CSNK1D: variants seen among roughly 807,000 people sequenced by gnomAD.
CSNK1D encodes the protein casein kinase 1 delta.
In CSNK1D, 16 loss-of-function variants were observed where a neutral mutation model predicts 46.6. That is an observed-to-expected ratio of 0.34 (90% CI 0.23 to 0.52). CSNK1D has a LOEUF of 0.52. CSNK1D is among the 20% of genes least tolerant of loss of function. The pLI is 0.95. For missense variants in CSNK1D, 398 were observed against 578.4 expected, an observed-to-expected ratio of 0.69 and a Z score of 3.20; for synonymous variants, 276 against 228.2, an observed-to-expected ratio of 1.21 and a Z score of -1.89.
chr17:82,247,598 G>A lies in CSNK1D; in HGVS notation c.1197+1277C>T, dbSNP rs114193039. ...CAGAGCCAGCCGCACATCAAGACAC[G>A]AGGGCACGGGCAGACCCTCCCGGGA... On this transcript the variant is annotated intron_variant, in intron 8 of 8. Coordinates refer to ENST00000314028, the MANE Select transcript of CSNK1D (RefSeq NM_001893.6). The A allele has an allele frequency of 1.2e-3, 1,169 of 985,434 alleles. 15 individuals are homozygous for A. In the African/African-American group the frequency reaches 0.019, roughly 16 times the overall value. The allele number at this position is 985,434 out of a possible 1,614,324, so 61.0% of individuals were successfully genotyped here. A position where few individuals can be genotyped will look rare whatever the true frequency, so the allele number is the denominator to read the frequency against.
rs764370790 is a variant in CSNK1D at position 82,255,561 on chromosome 17, G to C, written c.204C>G (p.Ile68Met). 3 of 1,614,174 alleles carry C rather than the reference G, an allele frequency of 1.9e-6. No homozygotes were observed. The highest frequency in any genetic ancestry group is 2.2e-5 in the East Asian group (1 of 44,880). The change falls in exon 3 of 9, where the codon ATC becomes ATG. Residue 68 changes from isoleucine (I) to methionine (M), a missense_variant. Transcript: ENST00000314028. This position sits in a 1 kb window ranked among gnomAD's most constrained non-coding sequence, Gnocchi z 5.9. The stretch of plus-strand genomic sequence containing the variant: ...AGTCCCCCTCTGCCCCGCACCATCT[G>C]ATGGTGGGGATGCCCACTAGGCAAG... ...MMQGGVGIPT[I>M]RWCGAEGDYN...
chr17:82,255,401 G>GT lies in CSNK1D; in HGVS notation c.336+27dup. ...GCTGATTCTATCAGACAGCAAGTGT[G>GT]TGCCAACTGTCAGGAAACAGTCCTT... On this transcript the variant is annotated intron_variant, in intron 3 of 8. Coordinates refer to ENST00000314028, the MANE Select transcript of CSNK1D (RefSeq NM_001893.6). The surrounding 1 kb of genome is among the most constrained non-coding windows in gnomAD (Gnocchi z 5.9). 1 of 1,613,680 alleles carries GT rather than the reference G, an allele frequency of 6.2e-7. No individual in the cohort carries two copies. Among genetic ancestry groups the GT allele is most frequent in the African/African-American group, 1.3e-5 (1 of 75,042 alleles).
At position 82,243,859 on chromosome 17, in the gene CSNK1D, C is replaced by T. The variant is rs2050785326; in HGVS notation, c.*922G>A. On this transcript the variant is annotated 3_prime_UTR_variant, in exon 9 of 9. Coordinates refer to ENST00000314028, the MANE Select transcript of CSNK1D (RefSeq NM_001893.6). ...CGGTTCACAGTCCTCTCCCAAGGGA[C>T]CAGAAACGCATCTTCCACCTTGAAT... 4.1e-6 allele frequency: 4 copies of T among 985,632 alleles called. No homozygotes were observed. The highest frequency in any genetic ancestry group is 4.8e-6 in the Non-Finnish European group (4 of 830,058). The allele number at this position is 985,632 out of a possible 1,614,324, so 61.1% of individuals were successfully genotyped here.
intron 8 of CSNK1D, chr17:82,247,011 C>G (rs935251897): frequency 4.1e-6 from 4 of 985,336 alleles, no homozygotes; most frequent in African/African-American, 1.7e-5. Flanking sequence ...GACACACGGC[C>G]AAAGCCTTCC....
Position 82,248,102 on chromosome 17 carries a change from GGA to G in CSNK1D, c.1197+771_1197+772del, listed in dbSNP as rs2050896828. On this transcript the variant is annotated intron_variant, in intron 8 of 8. Transcript: ENST00000314028. The surrounding 1 kb of genome is among the most constrained non-coding windows in gnomAD (Gnocchi z 4.1). ...CCTGCTCATCCGGAAGACCCGTGGG[GGA>G]TCTGGGCACCCCCCAGGATGCCTGC... 8.1e-6 allele frequency: 8 copies of G among 985,364 alleles called. No homozygotes were observed. The highest frequency in any genetic ancestry group is 1.2e-6 in the Non-Finnish European group (1 of 829,976). 61.0% of individuals were successfully genotyped at this position (985,364 alleles called of 1,614,324 possible). A position where few individuals can be genotyped will look rare whatever the true frequency, so the allele number is the denominator to read the frequency against.
intron 8 of CSNK1D, chr17:82,246,075 C>T: frequency 2.5e-6 from 4 of 1,589,284 alleles, no homozygotes; most frequent in Non-Finnish European, 3.4e-6. Context: ...GGTAAGCGTC[C>T]CGCTGGCCCC....
rs923648053 is a variant in CSNK1D, at chr17:82,251,218, A to G, written c.885+161T>C. 2.4e-5 allele frequency: 19 copies of G among 786,990 alleles called. No individual in the cohort carries two copies. In the East Asian group the frequency reaches 4.6e-4, roughly 19 times the overall value. 48.8% of individuals were successfully genotyped at this position (786,990 alleles called of 1,614,324 possible). On this transcript the variant is annotated intron_variant, in intron 6 of 8. Transcript: ENST00000314028. The surrounding 1 kb of genome is among the most constrained non-coding windows in gnomAD (Gnocchi z 4.5). ...CTTGGCACCCCTTTCTGGCAGGCAG[A>G]CACCCACTCAGTCCAGGTCCTGCCC... is the stretch of plus-strand genomic sequence containing the variant.
chr17:82,243,794 C>T lies in CSNK1D; in HGVS notation c.*987G>A, dbSNP rs2050783904. On this transcript the variant is annotated 3_prime_UTR_variant, in exon 9 of 9. Transcript: ENST00000314028. ...GAGTGCTGAGAAAATGGACTGAGTG[C>T]AAAGGCAGCAAGGCAACAAACACTA... 1 of 985,496 alleles carries T rather than the reference C, an allele frequency of 1.0e-6. No homozygotes were observed. The highest frequency in any genetic ancestry group is 1.7e-5 in the African/African-American group (1 of 57,366). 61.0% of individuals were successfully genotyped at this position (985,496 alleles called of 1,614,324 possible). A position where few individuals can be genotyped will look rare whatever the true frequency, so the allele number is the denominator to read the frequency against.
intron 1 of CSNK1D, among the ~76,000 whole-genome samples, chr17:82,272,658 G>A (rs1000955406): frequency 6.6e-6 from 1 of 152,308 alleles, no homozygotes; most frequent in East Asian, 1.9e-4. Flanking sequence ...AACCCCCAGC[G>A]GGAGGGCAAG....
Position 82,244,154 on chromosome 17 carries a change from C to A in CSNK1D, c.*627G>T. The stretch of plus-strand genomic sequence containing the variant: ...CACACACGGGCACACACACACACCA[C>A]GGACTTTTGATGAGAAATCTCCTCT... On this transcript the variant is annotated 3_prime_UTR_variant, in exon 9 of 9. Coordinates refer to ENST00000314028, the MANE Select transcript of CSNK1D (RefSeq NM_001893.6). 1 of 1,007,054 alleles carries A rather than the reference C, an allele frequency of 9.9e-7. No individual in the cohort carries two copies. The highest frequency in any genetic ancestry group is 1.2e-6 in the Non-Finnish European group (1 of 841,484). The allele number at this position is 1,007,054 out of a possible 1,614,324, so 62.4% of individuals were successfully genotyped here.
intron 2 of CSNK1D, among the ~76,000 whole-genome samples, chr17:82,256,656 T>C (rs967172499): frequency 1.3e-5 from 2 of 152,118 alleles, no homozygotes; most frequent in African/African-American, 2.4e-5. Flanking sequence ...TGCACAGGAA[T>C]GTGCACCGCA....
In CSNK1D at chr17:82,252,696, T is replaced by A; in HGVS notation, c.566-92A>T. ...CTGGCCGTTCCAGTGGAGACTAGCC[T>A]CAGACACACATGCCCAGATCACTCC... On this transcript the variant is annotated intron_variant, in intron 4 of 8. Transcript: ENST00000314028. This position sits in a 1 kb window ranked among gnomAD's most constrained non-coding sequence, Gnocchi z 4.6. 7.7e-7 allele frequency: 1 copy of A among 1,299,356 alleles called. No homozygotes were observed. Among genetic ancestry groups the A allele is most frequent in the Non-Finnish European group, 1.1e-6 (1 of 926,628 alleles). 80.5% of individuals were successfully genotyped at this position (1,299,356 alleles called of 1,614,324 possible). A position where few individuals can be genotyped will look rare whatever the true frequency, so the allele number is the denominator to read the frequency against.
At chr17:82,258,600 T>A (rs775766502) in intron 2 of CSNK1D, among the ~76,000 whole-genome samples, 11 of 152,116 alleles carry the variant, frequency 7.2e-5, no homozygotes, top group Non-Finnish European at 1.2e-4. Context: ...CTCCAATGAG[T>A]CACAGTTCCT....
chr17:82,266,705 A>C (rs2051477051), intron 1 of CSNK1D: 2 of 152,520 alleles, frequency 1.3e-5, no homozygotes, highest in Admixed American at 6.5e-5. Context: ...AGAGAAAAAG[A>C]AGCTGCACAC....
intron 8 of CSNK1D, 159 bp from the exon 9 acceptor site, chr17:82,244,990 G>C: frequency 1.2e-6 from 1 of 859,878 alleles, no homozygotes; most frequent in East Asian, 2.6e-5. Context: ...GGCCTCTGTG[G>C]CTGGGACACG....
Position 82,244,691 on chromosome 17 carries a change from T to C in CSNK1D, c.*90A>G. The C allele has an allele frequency of 6.2e-7, 1 of 1,604,978 alleles. No homozygotes were observed. The highest frequency in any genetic ancestry group is 1.7e-5 in the Admixed American group (1 of 59,296). ...GCTCCCGGTGTTAACATTTCGATCC[T>C]AGACCGGGGGACGTGTCACTAGTAA... On this transcript the variant is annotated 3_prime_UTR_variant, in exon 9 of 9. Transcript: ENST00000314028.
At chr17:82,267,648 T>G (rs1270142689) in intron 1 of CSNK1D, among the ~76,000 whole-genome samples, 2 of 152,230 alleles carry the variant, frequency 1.3e-5, no homozygotes, top group African/African-American at 4.8e-5. Flanking sequence ...GAGAAATGAC[T>G]TCATCGAAAA....
At chr17:82,268,230 C>T (rs1168494335) in intron 1 of CSNK1D, among the ~76,000 whole-genome samples, 3 of 152,212 alleles carry the variant, frequency 2.0e-5, no homozygotes, top group Admixed American at 2.0e-4. Context: ...AGCAGAACAC[C>T]AAGGTCTGTG....
chr17:82,248,047 C>G lies in CSNK1D; in HGVS notation c.1197+828G>C. 3.0e-6 allele frequency: 3 copies of G among 985,476 alleles called. No individual in the cohort carries two copies. Among genetic ancestry groups the G allele is most frequent in the Non-Finnish European group, 3.6e-6 (3 of 829,952 alleles). 61.0% of individuals were successfully genotyped at this position (985,476 alleles called of 1,614,324 possible). On this transcript the variant is annotated intron_variant, in intron 8 of 8. Transcript: ENST00000314028. The surrounding 1 kb of genome is among the most constrained non-coding windows in gnomAD (Gnocchi z 4.1). ...CAAACACCTCCCCACAAGCCCAGAGCCAGGCTCCAGGGCATTTCTGAACTG... is the reference window on the plus strand; with the variant it reads ...CAAACACCTCCCCACAAGCCCAGAGGCAGGCTCCAGGGCATTTCTGAACTG...
Sources: allele counts gnomAD v4.1 joint callset (sites outside exome capture counted in the v4.1 genomes callset), GRCh38; gene constraint gnomAD v4.1.1; non-coding constraint Gnocchi (gnomAD v3.1); transcripts MANE v1.5; gene names NCBI Gene and HGNC (gene_info 2026-07-23, HGNC 2026-07-21).